The following IFT88 variants were observed in gnomAD, a reference collection of about 807,000 sequenced individuals.
IFT88 encodes the protein intraflagellar transport protein 88 homolog.
Under a neutral mutation model 119.5 loss-of-function variants are expected in IFT88, and 74 were observed. The ratio of observed to expected loss-of-function variants is 0.62; its 90% CI spans 0.51 to 0.75. IFT88 has a LOEUF of 0.75. IFT88 is among the 30% of genes least tolerant of loss of function. The pLI is 0.00. For synonymous variants in IFT88, 279 were observed against 316.7 expected (o/e 0.88, Z 1.26); for missense variants, 961 against 977.7 (o/e 0.98, Z 0.23).
chr13:20,671,140 G>T (rs1191143614), intron 24 of IFT88, 101 bp downstream of exon 24: 2 of 915,404 alleles, frequency 2.2e-6, no homozygotes, highest in African/African-American at 1.7e-5. Context: ...TTATGTGTCT[G>T]TCGGTTTGTT....
chr13:20,626,793 A>G (rs2047407440), intron 15 of IFT88, among the ~76,000 whole-genome samples: 1 of 152,212 alleles, frequency 6.6e-6, no homozygotes, highest in Non-Finnish European at 1.5e-5. Flanking sequence ...CAAAGAGAGT[A>G]AACAGAATGA....
chr13:20,653,737 A>C, intron 20 of IFT88, 139 bp from the exon 21 acceptor site: 1 of 460,926 alleles, frequency 2.2e-6, no homozygotes. Context: ...GGGAAATTAT[A>C]TATCTGCTGT....
chr13:20,614,852 A>G lies in IFT88; in HGVS notation c.1113-941A>G, dbSNP rs1238521622. Among the ~76,000 whole-genome samples, 7 of 128,396 alleles carry G rather than the reference A, an allele frequency of 5.5e-5. No individual in the cohort carries two copies. In the Admixed American group the frequency reaches 5.7e-4, roughly 10 times the overall value. 84.2% of individuals were successfully genotyped at this position (128,396 alleles called of 152,430 possible). On this transcript the variant is annotated intron_variant, in intron 13 of 25. Transcript: ENST00000351808. ...TTTTTTTGAGACGGAGTCTCACTCT[A>G]TCACCCAGGCTGGAGTGCAGTGGCC... is the stretch of plus-strand genomic sequence containing the variant.
intron 22 of IFT88, 129 bp from the exon 23 acceptor site, chr13:20,663,369 A>C: frequency 6.5e-7 from 1 of 1,530,012 alleles, no homozygotes; most frequent in South Asian, 1.2e-5. Context: ...ATTATTTTTC[A>C]GGAGAAAAAT....
At chr13:20,687,205 A>AG (rs1357586858) in intron 24 of IFT88, among the ~76,000 whole-genome samples, 1 of 152,152 alleles carries the variant, frequency 6.6e-6, no homozygotes, top group Non-Finnish European at 1.5e-5. Flanking sequence ...TAATAAGGCA[A>AG]GGAGGGGGTC....
At position 20,601,950 on chromosome 13, in the gene IFT88, C is replaced by T. The variant is rs919523855; in HGVS notation, c.1041+17C>T. 2 of 1,381,234 alleles carry T rather than the reference C, an allele frequency of 1.4e-6. No individual in the cohort carries two copies. Among genetic ancestry groups the T allele is most frequent in the African/African-American group, 2.9e-5 (2 of 69,984 alleles). 85.6% of individuals were successfully genotyped at this position (1,381,234 alleles called of 1,614,324 possible). A position where few individuals can be genotyped will look rare whatever the true frequency, so the allele number is the denominator to read the frequency against. ...TCACCAAGTGTGAGTATGAAAAAGA[C>T]ATTTCTGTAGCCACTTCCCACTTAT... is the stretch of plus-strand genomic sequence containing the variant. On this transcript the variant is annotated intron_variant, in intron 12 of 25. Transcript: ENST00000351808.
In IFT88 at chr13:20,601,831, C is replaced by T; in HGVS notation, c.939C>T (p.Ile313=). 6.2e-7 allele frequency: 1 copy of T among 1,613,198 alleles called. No homozygotes were observed. The highest frequency in any genetic ancestry group is 8.5e-7 in the Non-Finnish European group (1 of 1,179,206). Residue 313 remains isoleucine, a synonymous_variant, in exon 12 of 26, where the codon ATC becomes ATT. Coordinates refer to ENST00000351808, the MANE Select transcript of IFT88 (RefSeq NM_006531.5). ...PNLKAGYNLT[I]CYFAIGDREK... ...TGAAGGCAGGCTACAACCTAACTAT[C>T]TGTTATTTTGCTATTGGAGACCGAG...
chr13:20,663,351 A>C (rs2054135471), intron 22 of IFT88, 147 bp from the exon 23 acceptor site: 1 of 1,524,432 alleles, frequency 6.6e-7, no homozygotes, highest in East Asian at 2.5e-5. Flanking sequence ...CAGAGATTGC[A>C]AAGTGTAATT....
At chr13:20,641,841 A>G (rs2050011181) in intron 18 of IFT88, 1 of 154,748 alleles carries the variant, frequency 6.5e-6, no homozygotes, top group Non-Finnish European at 1.4e-5. Flanking sequence ...CTGTAGATAT[A>G]ATGAGGTCTC....
intron 14 of IFT88, among the ~76,000 whole-genome samples, chr13:20,619,579 A>C (rs2046173349): frequency 6.6e-6 from 1 of 151,986 alleles, no homozygotes; most frequent in South Asian, 2.1e-4. Flanking sequence ...ATTGCTATCT[A>C]GTAGTTCATG....
chr13:20,593,440 AGCTTGG>A (rs2041069664), intron 7 of IFT88, among the ~76,000 whole-genome samples: 15 of 151,712 alleles, frequency 9.9e-5, no homozygotes, highest in Admixed American at 9.8e-4. Context: ...CTAGTTCCAG[AGCTTGG>A]GCTCTGGAAC....
At chr13:20,645,887 A>T (rs765408417) in intron 20 of IFT88, among the ~76,000 whole-genome samples, 27 of 152,354 alleles carry the variant, frequency 1.8e-4, no homozygotes, top group Non-Finnish European at 3.2e-4. Context: ...TATTTATTTC[A>T]CATAAATTTC....
chr13:20,654,220 G>A (rs2052347134), intron 21 of IFT88, among the ~76,000 whole-genome samples: 1 of 152,022 alleles, frequency 6.6e-6, no homozygotes, highest in South Asian at 2.1e-4. Context: ...AAAAAAATAG[G>A]CATACTGTAT....
At position 20,656,397 on chromosome 13, in the gene IFT88, G is replaced by C; in HGVS notation, c.2035G>C (p.Asp679His). The change falls in exon 22 of 26, where the codon GAT becomes CAT. Residue 679 changes from aspartate to histidine, a missense_variant. Coordinates refer to ENST00000351808, the MANE Select transcript of IFT88 (RefSeq NM_006531.5). ...CCAAAAAGCATTAGATACTTACAAA[G>C]ATACTCACAGAAAATTTCCAGAAAA... ...NYQKALDTYK[D>H]THRKFPENVE... is the part of the protein sequence containing the mutation. The C allele has an allele frequency of 6.6e-7, 1 of 1,521,018 alleles. No individual in the cohort carries two copies. The highest frequency in any genetic ancestry group is 1.8e-5 in the Admixed American group (1 of 54,480). 94.2% of individuals were successfully genotyped at this position (1,521,018 alleles called of 1,614,324 possible).
intron 13 of IFT88, among the ~76,000 whole-genome samples, chr13:20,605,675 C>T (rs965602948): frequency 2.6e-5 from 4 of 152,182 alleles, no homozygotes; most frequent in African/African-American, 9.7e-5. Flanking sequence ...CCCTGTTCCT[C>T]ACTACAGATG....
At chr13:20,602,543 A>T (rs2042781688) in intron 12 of IFT88, among the ~76,000 whole-genome samples, 1 of 152,156 alleles carries the variant, frequency 6.6e-6, no homozygotes, top group Admixed American at 6.5e-5. Flanking sequence ...TATTTCACCT[A>T]TTAAGAGCCA....
intron 24 of IFT88, among the ~76,000 whole-genome samples, chr13:20,687,862 A>G (rs2058103903): frequency 1.7e-5 from 2 of 115,872 alleles, no homozygotes; most frequent in Admixed American, 8.0e-5. Context: ...TCCAATGTGC[A>G]GGAGCTGGCA....
intron 14 of IFT88, among the ~76,000 whole-genome samples, chr13:20,622,266 C>T (rs2046659492): frequency 6.6e-6 from 1 of 152,166 alleles, no homozygotes; most frequent in South Asian, 2.1e-4. Context: ...GTGGCTTCCA[C>T]AGTTTGGCAA....
At chr13:20,690,525 G>T (rs192768824) in intron 24 of IFT88, among the ~76,000 whole-genome samples, 180 bp from the exon 25 acceptor site, 73 of 152,268 alleles carry the variant, frequency 4.8e-4, no homozygotes, top group African/African-American at 1.6e-3. Flanking sequence ...CTATATTATA[G>T]ATTCCCACAA....
Sources: allele counts gnomAD v4.1 joint callset (sites outside exome capture counted in the v4.1 genomes callset), GRCh38; gene constraint gnomAD v4.1.1; transcripts MANE v1.5; gene names NCBI Gene and HGNC (gene_info 2026-07-23, HGNC 2026-07-21).